SLC2A9: variants seen among roughly 807,000 people sequenced by gnomAD.
SLC2A9 encodes solute carrier family 2 member 9.
SLC2A9 carries 39 observed loss-of-function variants against 50.6 expected under a neutral mutation model. That is an observed-to-expected ratio of 0.77 (90% CI 0.60 to 1.01). The LOEUF is 1.01. SLC2A9 is among the 50% of genes least tolerant of loss of function. SLC2A9 has a pLI of 0.00. For missense variants in SLC2A9, 686 were observed against 677.6 expected (o/e 1.01, Z -0.14); for synonymous variants, 324 against 276.9 (o/e 1.17, Z -1.69).
At chr4:9,935,917 A>G (rs1746986436) in intron 6 of SLC2A9, among the ~76,000 whole-genome samples, 1 of 152,136 alleles carries the variant, frequency 6.6e-6, no homozygotes, top group South Asian at 2.1e-4. Context: ...CCTGTGAAGA[A>G]TGGGTTAAGG....
At chr4:9,918,587 A>C (rs1399403115) in intron 7 of SLC2A9, among the ~76,000 whole-genome samples, 3 of 152,194 alleles carry the variant, frequency 2.0e-5, no homozygotes, top group Non-Finnish European at 4.4e-5. Flanking sequence ...TTATGTCTTT[A>C]GGCCTAACAG....
chr4:9,776,577 T>A (rs1415782532), downstream of SLC2A9, among the ~76,000 whole-genome samples: 2 of 152,072 alleles, frequency 1.3e-5, no homozygotes, highest in Non-Finnish European at 2.9e-5. Context: ...CAGCACCTGC[T>A]GTCATTGGTT....
chr4:10,002,917 TCAGACCGTGGTGAATACAGCAGCAAC>T, intron 2 of SLC2A9, among the ~76,000 whole-genome samples: 1 of 152,272 alleles, frequency 6.6e-6, no homozygotes, highest in African/African-American at 2.4e-5. Flanking sequence ...GGATACTCCG[TCAGACCGTGGTGAATACAGCAGCAAC>T]CACCCCCAAG....
At chr4:9,957,530 A>G (rs1341148554) in intron 5 of SLC2A9, among the ~76,000 whole-genome samples, 1 of 152,238 alleles carries the variant, frequency 6.6e-6, no homozygotes, top group Admixed American at 6.5e-5. Context: ...TGGAGCAAAG[A>G]GACAAAAATG....
chr4:9,872,397 T>C lies in SLC2A9; in HGVS notation c.1291+15170A>G, dbSNP rs1382596823. On this transcript the variant is annotated intron_variant, in intron 10 of 11. Transcript: ENST00000264784. ...TCATCAAAAAGCAAAGACTGGTAAA[T>C]GCATTTTTGAATAAAAATATGTTAA... is the stretch of plus-strand genomic sequence containing the variant. Among the ~76,000 whole-genome samples, 3 of 152,288 alleles carry C rather than the reference T, an allele frequency of 2.0e-5. No individual in the cohort carries two copies. In the East Asian group the frequency reaches 5.8e-4, roughly 29 times the overall value.
chr4:9,806,199 G>A (rs1278529615), intron 3 of SLC2A9, among the ~76,000 whole-genome samples: 1 of 152,234 alleles, frequency 6.6e-6, no homozygotes, highest in Non-Finnish European at 1.5e-5. Context: ...CTGCAGCACT[G>A]TGACATGCTC....
rs112580274 is a variant in SLC2A9, at chr4:9,941,932, G to A, written c.795C>T (p.Asn265=). The change falls in exon 6 of 12, where the codon AAC becomes AAT. Residue 265 remains asparagine (N), a synonymous_variant. Coordinates refer to ENST00000264784, the MANE Select transcript of SLC2A9 (RefSeq NM_020041.3). ...SPRYLLLEKH[N]EARAVKAFQT... Reference sequence around the variant, plus strand: ...CCTCACCTTTCACAGCTCTTGCCTCGTTGTGCTTCTCCAAGAGCAGGTAGC... The same window carrying A: ...CCTCACCTTTCACAGCTCTTGCCTCATTGTGCTTCTCCAAGAGCAGGTAGC... 2.5e-5 allele frequency: 40 copies of A among 1,613,994 alleles called. No individual in the cohort carries two copies. The highest frequency in any genetic ancestry group is 5.0e-5 in the Admixed American group (3 of 60,000).
At position 9,851,702 on chromosome 4, in the gene SLC2A9, C is replaced by T. The variant is rs145231664; in HGVS notation, c.1292-16694G>A. On this transcript the variant is annotated intron_variant, in intron 10 of 11. Coordinates refer to ENST00000264784, the MANE Select transcript of SLC2A9 (RefSeq NM_020041.3). ...ATAAAACAATACAGGAGGTGAAAGACGAAATGGCCATTTTAAGAAAAAACC... is the reference window on the plus strand; with the variant it reads ...ATAAAACAATACAGGAGGTGAAAGATGAAATGGCCATTTTAAGAAAAAACC... Among the ~76,000 whole-genome samples, 450 of 148,158 alleles carry T rather than the reference C, an allele frequency of 3.0e-3. 3 individuals are homozygous for T. The highest frequency in any genetic ancestry group is 0.028 in the East Asian group (143 of 5,100).
chr4:9,936,785 G>C lies in SLC2A9; in HGVS notation c.814+5128C>G, dbSNP rs1747161271. The stretch of plus-strand genomic sequence containing the variant: ...GAGGCTGTGAGTGGCAGGATGGAGT[G>C]ACTCCCCCACCACCCTGAAATCTTT... On this transcript the variant is annotated intron_variant, in intron 6 of 11. Transcript: ENST00000264784. 2.6e-5 allele frequency among the ~76,000 whole-genome samples: 4 copies of C among 152,206 alleles called. No homozygotes were observed. The South Asian group carries it at 8.3e-4, about 32-fold the overall frequency.
intron 6 of SLC2A9, among the ~76,000 whole-genome samples, chr4:9,932,146 C>T (rs1251348575): frequency 6.6e-6 from 1 of 151,346 alleles, no homozygotes; most frequent in South Asian, 2.1e-4. Flanking sequence ...TCTCTTTCTC[C>T]ATGCCTGCTT....
chr4:10,034,227 C>T (rs1481082138), intron 1 of SLC2A9: 2 of 152,288 alleles, frequency 1.3e-5, no homozygotes, highest in African/African-American at 4.8e-5. Flanking sequence ...ATTCAATACA[C>T]ATTTTTCCAG....
intron 4 of SLC2A9, among the ~76,000 whole-genome samples, chr4:9,985,085 C>T (rs1256712160): frequency 6.6e-6 from 1 of 152,160 alleles, no homozygotes; most frequent in South Asian, 2.1e-4. Context: ...GAGCAGTCTT[C>T]CCTGATTGGC....
chr4:10,006,126 G>A (rs1760736407), intron 2 of SLC2A9, among the ~76,000 whole-genome samples: 1 of 152,186 alleles, frequency 6.6e-6, no homozygotes, highest in Non-Finnish European at 1.5e-5. Flanking sequence ...AAGAATCCAT[G>A]AATCACTTAC....
At chr4:9,773,218 GC>G (rs1560265324) in intron 1 of SLC2A9, among the ~76,000 whole-genome samples, 1 of 152,198 alleles carries the variant, frequency 6.6e-6, no homozygotes, top group Non-Finnish European at 1.5e-5. Flanking sequence ...AGGTGATGTG[GC>G]TGGCTCATCA....
chr4:10,021,223 C>A (rs1763468316), intron 1 of SLC2A9, 57 bp downstream of exon 1: 1 of 1,583,660 alleles, frequency 6.3e-7, no homozygotes, highest in South Asian at 1.1e-5. Context: ...ACGGCTGCCA[C>A]CCAGGCCTGC....
intron 6 of SLC2A9, 101 bp downstream of exon 6, chr4:9,941,812 A>G: frequency 6.5e-7 from 1 of 1,536,116 alleles, no homozygotes; most frequent in East Asian, 2.3e-5. Context: ...AGGAACAATG[A>G]CAACACCCCT....
rs571262696 is a variant in SLC2A9 at position 9,995,552 on chromosome 4, G to C, written c.410+1229C>G. 2.6e-5 allele frequency: 4 copies of C among 152,308 alleles called. 1 individual carries two copies. The South Asian group carries it at 8.3e-4, about 32-fold the overall frequency. 9.4% of individuals were successfully genotyped at this position (152,308 alleles called of 1,614,324 possible). On this transcript the variant is annotated intron_variant, in intron 3 of 11. Coordinates refer to ENST00000264784, the MANE Select transcript of SLC2A9 (RefSeq NM_020041.3). ...GGTTTCTGTAATCCCATGGTCTGAG[G>C]AGATTTTCTGGAGTCTGATAAATCT...
chr4:9,863,490 A>G (rs1731977525), intron 10 of SLC2A9, among the ~76,000 whole-genome samples: 1 of 152,040 alleles, frequency 6.6e-6, no homozygotes, highest in East Asian at 1.9e-4. Context: ...ATAAAAGGGG[A>G]AAAATGACTG....
chr4:9,890,290 C>T (rs2109778420), intron 9 of SLC2A9, among the ~76,000 whole-genome samples: 1 of 152,306 alleles, frequency 6.6e-6, no homozygotes, highest in Non-Finnish European at 1.5e-5. Context: ...TTAAGGTTGT[C>T]TAGTGCAAGC....
Sources: gnomAD v4.1 joint callset for allele counts (sites outside exome capture counted in the v4.1 genomes callset) on GRCh38, gnomAD v4.1.1 for gene constraint, MANE v1.5 for transcripts, NCBI Gene and HGNC (gene_info 2026-07-23, HGNC 2026-07-21) for gene names.